The following VWC2L variants were observed in gnomAD, a reference collection of about 807,000 sequenced individuals.
The protein encoded by VWC2L is von Willebrand factor C domain-containing protein 2-like.
Under a neutral mutation model 21.6 loss-of-function variants are expected in VWC2L, and 10 were observed. The observed-to-expected ratio is 0.46, with a 90% confidence interval of 0.29 to 0.78. The LOEUF (loss-of-function observed/expected upper bound fraction) is 0.78. Ranked by LOEUF, VWC2L falls within the 30% of genes least tolerant of loss-of-function variation. The pLI, the probability that VWC2L is intolerant of heterozygous loss-of-function variation, is 0.10. For synonymous variants in VWC2L, 96 were observed against 94.3 expected (o/e 1.02, Z -0.10); for missense variants, 209 against 277.1 (o/e 0.75, Z 1.74).
At chr2:214,445,429 A>G (rs2126182305) in intron 3 of VWC2L, among the ~76,000 whole-genome samples, 1 of 152,004 alleles carries the variant, frequency 6.6e-6, no homozygotes, top group Non-Finnish European at 1.5e-5. Flanking sequence ...ATTATAGAAA[A>G]AAAAAGCATT....
Position 214,462,886 on chromosome 2 carries a change from C to T in VWC2L, c.520+26128C>T, listed in dbSNP as rs554038587. The stretch of plus-strand genomic sequence containing the variant: ...ACAGTAATTTCTCTTTTAATTTATT[C>T]TTTGAATCATAGGTTATATAGGATG... On this transcript the variant is annotated intron_variant, in intron 3 of 3. Coordinates refer to ENST00000312504, the MANE Select transcript of VWC2L (RefSeq NM_001080500.4). Among the ~76,000 whole-genome samples, 15 of 152,144 alleles carry T rather than the reference C, an allele frequency of 9.9e-5. No individual in the cohort carries two copies. In the East Asian group the frequency reaches 2.7e-3, roughly 27 times the overall value.
At chr2:214,519,997 C>T (rs1337064525) in intron 3 of VWC2L, among the ~76,000 whole-genome samples, 1 of 151,364 alleles carries the variant, frequency 6.6e-6, no homozygotes, top group Non-Finnish European at 1.5e-5. Context: ...CTTAAAAATA[C>T]ATAATTCGGA....
chr2:214,496,155 T>C (rs565905614), intron 3 of VWC2L, among the ~76,000 whole-genome samples: 3 of 148,332 alleles, frequency 2.0e-5, no homozygotes, highest in African/African-American at 4.9e-5. Flanking sequence ...TATAATACTA[T>C]AGTGAATACT....
At position 214,576,665 on chromosome 2, in the gene VWC2L, C is replaced by T. The variant is rs1690234846; in HGVS notation, c.*845C>T. 1 of 152,152 alleles carries T rather than the reference C, an allele frequency of 6.6e-6. No homozygotes were observed. Among genetic ancestry groups the T allele is most frequent in the African/African-American group, 2.4e-5 (1 of 41,422 alleles). The allele number at this position is 152,152 out of a possible 1,614,324, so 9.4% of individuals were successfully genotyped here. The stretch of plus-strand genomic sequence containing the variant: ...TGAGTTTGGTTTGTAGCTAAACACA[C>T]TCTAAACTCACTGTCATCAGGCAAT... On this transcript the variant is annotated 3_prime_UTR_variant, in exon 4 of 4. Transcript: ENST00000312504.
intron 3 of VWC2L, among the ~76,000 whole-genome samples, chr2:214,556,788 C>T (rs570401257): frequency 6.6e-6 from 1 of 152,304 alleles, no homozygotes; most frequent in East Asian, 1.9e-4. Flanking sequence ...CCTTATTCCT[C>T]CAGTTTAACT....
At chr2:214,516,878 A>G (rs1267554819) in intron 3 of VWC2L, among the ~76,000 whole-genome samples, 6 of 152,226 alleles carry the variant, frequency 3.9e-5, no homozygotes. Flanking sequence ...CGTAAAATGA[A>G]AAAGAAAAAT....
At chr2:214,538,478 T>TA (rs1280981799) in intron 3 of VWC2L, among the ~76,000 whole-genome samples, 6 of 152,056 alleles carry the variant, frequency 3.9e-5, no homozygotes, top group East Asian at 1.9e-4. Context: ...GTGCTGTGGG[T>TA]AAAAAAATAC....
chr2:214,500,046 C>T (rs995372162), intron 3 of VWC2L, among the ~76,000 whole-genome samples: 6 of 152,118 alleles, frequency 3.9e-5, no homozygotes, highest in Admixed American at 3.3e-4. Flanking sequence ...TTTGAATATT[C>T]ATGAGAGAAT....
At chr2:214,412,629 T>G (rs6736717) in intron 1 of VWC2L, among the ~76,000 whole-genome samples, 37,026 of 151,844 alleles carry the variant, frequency 0.24, 6,771 homozygotes, top group African/African-American at 0.51. Context: ...GATATCAGAG[T>G]AATTCTGATA....
chr2:214,431,814 T>G (rs1160667557), intron 2 of VWC2L, among the ~76,000 whole-genome samples: 1 of 152,224 alleles, frequency 6.6e-6, no homozygotes, highest in Non-Finnish European at 1.5e-5. Context: ...GCAATTCCTC[T>G]GCATGTACTC....
intron 2 of VWC2L, among the ~76,000 whole-genome samples, chr2:214,419,147 A>G (rs899911068): frequency 1.3e-5 from 2 of 152,148 alleles, no homozygotes; most frequent in Non-Finnish European, 2.9e-5. Context: ...TTTGAAAATG[A>G]ATTTCTCTCT....
At chr2:214,469,143 T>C (rs1482743939) in intron 3 of VWC2L, among the ~76,000 whole-genome samples, 1 of 152,162 alleles carries the variant, frequency 6.6e-6, no homozygotes, top group Admixed American at 6.5e-5. Flanking sequence ...ATGAAAAATA[T>C]ACAAAATGCA....
At chr2:214,536,428 C>G (rs1312014843) in intron 3 of VWC2L, among the ~76,000 whole-genome samples, 1 of 152,070 alleles carries the variant, frequency 6.6e-6, no homozygotes, top group Non-Finnish European at 1.5e-5. Flanking sequence ...TACTTTTCAG[C>G]CAGCTAGGAA....
intron 2 of VWC2L, among the ~76,000 whole-genome samples, chr2:214,425,579 TTAATA>T (rs1702509673): frequency 6.6e-6 from 1 of 152,166 alleles, no homozygotes; most frequent in South Asian, 2.1e-4. Flanking sequence ...TATCTTTAAT[TTAATA>T]TAATAGATAT....
chr2:214,568,997 G>A (rs1180391390), intron 3 of VWC2L, among the ~76,000 whole-genome samples: 1 of 151,980 alleles, frequency 6.6e-6, no homozygotes, highest in African/African-American at 2.4e-5. Context: ...TTTTTTCTAG[G>A]GGCTTTTCCC....
intron 3 of VWC2L, among the ~76,000 whole-genome samples, chr2:214,521,711 A>T: frequency 6.6e-6 from 1 of 152,224 alleles, no homozygotes; most frequent in African/African-American, 2.4e-5. Flanking sequence ...CACCAGCATC[A>T]TTAACTGGAG....
At chr2:214,449,421 T>C (rs1702921312) in intron 3 of VWC2L, among the ~76,000 whole-genome samples, 1 of 152,126 alleles carries the variant, frequency 6.6e-6, no homozygotes, top group Non-Finnish European at 1.5e-5. Context: ...ACAAAGAAAA[T>C]GTGCCTTGAT....
chr2:214,507,826 T>G (rs1688988670), intron 3 of VWC2L, among the ~76,000 whole-genome samples: 1 of 152,158 alleles, frequency 6.6e-6, no homozygotes, highest in Non-Finnish European at 1.5e-5. Context: ...CTGCTTCTCT[T>G]CTGGGGAATG....
chr2:214,551,973 C>G (rs1391995727), intron 3 of VWC2L, among the ~76,000 whole-genome samples: 1 of 152,238 alleles, frequency 6.6e-6, no homozygotes, highest in Admixed American at 6.5e-5. Flanking sequence ...AGAAACTTAC[C>G]TGTCCCCATC....
Sources: allele counts gnomAD v4.1 joint callset (sites outside exome capture counted in the v4.1 genomes callset), GRCh38; gene constraint gnomAD v4.1.1; transcripts MANE v1.5; gene names NCBI Gene and HGNC (gene_info 2026-07-23, HGNC 2026-07-21).